The following KIAA0232 variants were observed in gnomAD, a reference collection of about 807,000 sequenced individuals.
The protein encoded by KIAA0232 is uncharacterized protein KIAA0232.
A neutral mutation model predicts 122.0 loss-of-function variants in KIAA0232; 27 were observed. The observed-to-expected ratio is 0.22, with a 90% CI of 0.16 to 0.31. The LOEUF (loss-of-function observed/expected upper bound fraction) is 0.31. Ranked by LOEUF, KIAA0232 falls within the 10% of genes least tolerant of loss-of-function variation. KIAA0232 has a pLI of 1.00. For missense variants in KIAA0232, 1,551 were observed against 1,634.2 expected, an observed-to-expected ratio of 0.95 and a Z score of 0.88; for synonymous variants, 613 against 587.6, an observed-to-expected ratio of 1.04 and a Z score of -0.63.
At chr4:6,836,541 CTTT>C (rs1465134876) in intron 3 of KIAA0232, among the ~76,000 whole-genome samples, 1 of 92,746 alleles carries the variant, frequency 1.1e-5, no homozygotes, top group East Asian at 2.8e-4. Flanking sequence ...TTTTTTTTTT[CTTT>C]TCTTTTTTTT....
chr4:6,822,747 T>G (rs1718479234), intron 2 of KIAA0232, among the ~76,000 whole-genome samples: 3 of 151,824 alleles, frequency 2.0e-5, no homozygotes, highest in Admixed American at 2.0e-4. Flanking sequence ...TCAACCTAGG[T>G]ATATAAGAAG....
In KIAA0232 at chr4:6,861,911, A is replaced by G. The variant is rs773463522; in HGVS notation, c.1529A>G (p.Tyr510Cys). The G allele has an allele frequency of 2.5e-6, 4 of 1,613,856 alleles. No individual in the cohort carries two copies. Among genetic ancestry groups the G allele is most frequent in the African/African-American group, 2.7e-5 (2 of 74,930 alleles). ...DIHLSELTHFYEVDIDQSMLD... is the reference protein window; with the variant it reads ...DIHLSELTHFCEVDIDQSMLD... ...CATCTATCAGAATTAACGCACTTCT[A>G]TGAAGTGGATATTGATCAATCCATG... Residue 510 changes from tyrosine to cysteine, a missense_variant, in exon 7 of 10, where the codon TAT (tyrosine) becomes TGT (cysteine). By Grantham distance (194) the Tyr-to-Cys change is radical. Transcript: ENST00000307659.
Position 6,816,614 on chromosome 4 carries a change from A to G in KIAA0232, c.-269-7571A>G, listed in dbSNP as rs529984266. Among the ~76,000 whole-genome samples the G allele has an allele frequency of 1.1e-4, 17 of 152,274 alleles. 1 individual carries two copies. In the South Asian group the frequency reaches 2.9e-3, roughly 26 times the overall value. On this transcript the variant is annotated intron_variant, in intron 2 of 9. Transcript: ENST00000307659. ...TGTAATATCTTTATTGGCTTTTGGT[A>G]TCAGTTTAATGCTGTCTTCATAACA...
intron 3 of KIAA0232, among the ~76,000 whole-genome samples, chr4:6,831,693 C>A (rs931063878): frequency 2.0e-5 from 3 of 152,206 alleles, no homozygotes; most frequent in South Asian, 2.1e-4. Context: ...AGAAGCCCCC[C>A]TCGTGTCCCA....
In KIAA0232 at chr4:6,863,170, C is replaced by T; in HGVS notation, c.2788C>T (p.Leu930Phe). The change falls in exon 7 of 10, where the codon CTT becomes TTT. Residue 930 changes from leucine (L) to phenylalanine (F), a missense_variant. Leu to Phe is a conservative substitution (Grantham distance 22). This residue lies in a region of KIAA0232 where 1,108 missense variants were observed against 1,154.8 expected (regional missense o/e 0.96). Transcript: ENST00000307659. ...CCAAGATAAAGAAAACACATTCATTCTTGGAGGAGTTTATGGAGAACTCAA... is the reference window on the plus strand; with the variant it reads ...CCAAGATAAAGAAAACACATTCATTTTTGGAGGAGTTTATGGAGAACTCAA... ...VAQDKENTFI[L>F]GGVYGELKTF... The T allele has an allele frequency of 2.5e-6, 4 of 1,614,114 alleles. No homozygotes were observed. The highest frequency in any genetic ancestry group is 3.4e-6 in the Non-Finnish European group (4 of 1,180,028).
chr4:6,871,441 A>G, intron 7 of KIAA0232, 133 bp from the exon 8 acceptor site: 1 of 590,672 alleles, frequency 1.7e-6, no homozygotes. Flanking sequence ...CTCAAAAAGA[A>G]AGAAAGAAAA....
intron 3 of KIAA0232, among the ~76,000 whole-genome samples, chr4:6,839,954 A>C (rs769281054): frequency 2.0e-5 from 3 of 152,184 alleles, no homozygotes; most frequent in African/African-American, 7.2e-5. Context: ...ATTTTGAGCA[A>C]TATATCAGTG....
At chr4:6,854,248 CT>C (rs943891142) in intron 4 of KIAA0232, among the ~76,000 whole-genome samples, 129 of 151,986 alleles carry the variant, frequency 8.5e-4, no homozygotes, top group African/African-American at 2.9e-3. Flanking sequence ...GTCATGTTAG[CT>C]TTTTTTTACT....
In KIAA0232 at chr4:6,849,935, T is replaced by TG. The variant is rs1438014100; in HGVS notation, c.370-7225dup. 7.2e-5 allele frequency among the ~76,000 whole-genome samples: 11 copies of TG among 152,210 alleles called. No individual in the cohort carries two copies. The East Asian group carries it at 2.1e-3, about 29-fold the overall frequency. On this transcript the variant is annotated intron_variant, in intron 4 of 9. Coordinates refer to ENST00000307659, the MANE Select transcript of KIAA0232 (RefSeq NM_014743.3). Reference sequence around the variant, plus strand: ...ACTGAATATGCATGTCTAGGGTTGGTGGGGTAGAGTGGTTTATGAGGACCA... The same window carrying TG: ...ACTGAATATGCATGTCTAGGGTTGGTGGGGGTAGAGTGGTTTATGAGGACCA...
At chr4:6,860,806 A>T in intron 6 of KIAA0232, 95 bp from the exon 7 acceptor site, 1 of 1,071,852 alleles carries the variant, frequency 9.3e-7, no homozygotes. Context: ...ACACTACTAA[A>T]ATGAAATATT....
rs1303842625 is a variant in KIAA0232, at chr4:6,862,685, A to G, written c.2303A>G (p.Gln768Arg). The G allele has an allele frequency of 6.2e-7, 1 of 1,611,208 alleles. No individual in the cohort carries two copies. Among genetic ancestry groups the G allele is most frequent in the Admixed American group, 1.7e-5 (1 of 59,386 alleles). The change falls in exon 7 of 10, where the codon CAG (glutamine) becomes CGG (arginine). Residue 768 changes from glutamine (Q) to arginine (R), a missense_variant. Gln to Arg is a conservative substitution (Grantham distance 43). Around this residue, in one of 5 missense-constraint regions of KIAA0232, gnomAD observed 1,108 missense variants for 1,154.8 expected, o/e 0.96. Transcript: ENST00000307659. ...GATTTTTTGCAAGATGAAACTTGCC[A>G]GCAAAACAGTAGAACTTTAGGTGAG... ...LLDFLQDETCQQNSRTLGEIP... is the reference protein window; with the variant it reads ...LLDFLQDETCRQNSRTLGEIP...
chr4:6,875,550 G>A (rs1014735582), intron 8 of KIAA0232, among the ~76,000 whole-genome samples: 4 of 152,158 alleles, frequency 2.6e-5, no homozygotes, highest in African/African-American at 7.2e-5. Flanking sequence ...CTTACCCTTG[G>A]CACAGCCTCG....
intron 1 of KIAA0232, among the ~76,000 whole-genome samples, chr4:6,803,238 C>G (rs530949283): frequency 1.3e-5 from 2 of 150,700 alleles, no homozygotes; most frequent in East Asian, 1.9e-4. Context: ...TGGACTTTCT[C>G]ATATAAATTG....
Position 6,784,154 on chromosome 4 carries a change from A to G in KIAA0232, c.-354+1313A>G, listed in dbSNP as rs546793031. ...AGAGGAGGCATGCGAGATTCTTTGG[A>G]AAAAATTATATAAATGTAGTTCTTG... On this transcript the variant is annotated intron_variant, in intron 1 of 9. Coordinates refer to ENST00000307659, the MANE Select transcript of KIAA0232 (RefSeq NM_014743.3). Among the ~76,000 whole-genome samples the G allele has an allele frequency of 4.6e-5, 7 of 151,888 alleles. No individual in the cohort carries two copies. The Admixed American group carries it at 4.6e-4, about 10-fold the overall frequency.
chr4:6,864,691 A>C (rs1045137621), intron 7 of KIAA0232, among the ~76,000 whole-genome samples: 2 of 138,162 alleles, frequency 1.4e-5, no homozygotes, highest in African/African-American at 5.3e-5. Flanking sequence ...GTGAGCCGAG[A>C]TCGTGTTCTG....
At chr4:6,811,135 G>A (rs1048077442) in intron 2 of KIAA0232, among the ~76,000 whole-genome samples, 2 of 152,054 alleles carry the variant, frequency 1.3e-5, no homozygotes, top group Non-Finnish European at 2.9e-5. Context: ...GGAAAAGAAC[G>A]TGTCAGAAAG....
intron 1 of KIAA0232, among the ~76,000 whole-genome samples, chr4:6,801,677 GA>G (rs367774914): frequency 8.0e-4 from 112 of 139,386 alleles, no homozygotes; most frequent in African/African-American, 8.1e-4. Flanking sequence ...GGACGAAAAG[GA>G]AAAAAAAAAA....
chr4:6,857,428 TAG>T (rs1720623332), intron 5 of KIAA0232, among the ~76,000 whole-genome samples, 198 bp downstream of exon 5: 1 of 152,232 alleles, frequency 6.6e-6, no homozygotes, highest in African/African-American at 2.4e-5. Context: ...CAGTCACTCA[TAG>T]AGATTCCTGC....
chr4:6,792,275 A>G (rs1716929981), intron 1 of KIAA0232, among the ~76,000 whole-genome samples: 1 of 152,146 alleles, frequency 6.6e-6, no homozygotes, highest in Admixed American at 6.6e-5. Flanking sequence ...TAACTAGTTG[A>G]TATGAAGAGT....
Sources: allele counts gnomAD v4.1 joint callset (sites outside exome capture counted in the v4.1 genomes callset), GRCh38; gene constraint gnomAD v4.1.1; regional missense constraint gnomAD v4.1.1; transcripts MANE v1.5; gene names NCBI Gene and HGNC (gene_info 2026-07-23, HGNC 2026-07-21).